The following CYB5R1 variants were observed in gnomAD, a reference collection of about 807,000 sequenced individuals.
CYB5R1 encodes the protein NADH-cytochrome b5 reductase 1.
CYB5R1 carries 32 observed loss-of-function variants against 37.4 expected under a neutral mutation model. The observed-to-expected ratio is 0.86, with a 90% confidence interval of 0.65 to 1.15. CYB5R1 has a LOEUF of 1.15. CYB5R1 is among the 50% of genes most tolerant of loss of function. CYB5R1 has a pLI of 0.00. For missense variants in CYB5R1, 345 were observed against 382.5 expected (o/e 0.90, Z 0.82); for synonymous variants, 159 against 155.2 (o/e 1.02, Z -0.18).
At position 202,966,906 on chromosome 1, in the gene CYB5R1, T is replaced by C; in HGVS notation, c.16-8A>G. The C allele has an allele frequency of 1.3e-6, 2 of 1,599,818 alleles. No homozygotes were observed. Among genetic ancestry groups the C allele is most frequent in the Non-Finnish European group, 1.7e-6 (2 of 1,173,512 alleles). On this transcript the variant is annotated splice_polypyrimidine_tract_variant and splice_region_variant and intron_variant, in intron 1 of 8. Transcript: ENST00000367249. ...GGCCAGCAGGACGGGGCTCTGTGGGTAGAGGAGGCAGCGTGACCGCCAGGC... is the reference window on the plus strand; with the variant it reads ...GGCCAGCAGGACGGGGCTCTGTGGGCAGAGGAGGCAGCGTGACCGCCAGGC...
chr1:202,965,633 C>CA, intron 4 of CYB5R1, 133 bp from the exon 5 acceptor site: 4 of 805,632 alleles, frequency 5.0e-6, no homozygotes, highest in Non-Finnish European at 7.1e-6. Context: ...TACTTTCTTT[C>CA]TTTCTTTTTT....
At position 202,962,499 on chromosome 1, in the gene CYB5R1, G is replaced by A. The variant is rs532096019; in HGVS notation, c.*28C>T. 2.1e-5 allele frequency: 33 copies of A among 1,579,702 alleles called. 1 individual carries two copies. The highest frequency in any genetic ancestry group is 1.6e-4 in the Admixed American group (9 of 54,950). ...AGTACTGATGGGGAACAACTGCAGCGAACAGCACCAGGGAAGCTGGAGGAT... is the reference window on the plus strand; with the variant it reads ...AGTACTGATGGGGAACAACTGCAGCAAACAGCACCAGGGAAGCTGGAGGAT... On this transcript the variant is annotated 3_prime_UTR_variant, in exon 9 of 9. Transcript: ENST00000367249.
intron 4 of CYB5R1, 79 bp downstream of exon 4, chr1:202,965,808 G>A: frequency 1.9e-6 from 2 of 1,064,136 alleles, no homozygotes; most frequent in Non-Finnish European, 2.9e-6. Context: ...ATTTCCTGCT[G>A]TCAGGCAAAT....
chr1:202,964,125 A>C (rs952310969), intron 6 of CYB5R1: 1 of 189,202 alleles, frequency 5.3e-6, no homozygotes, highest in Non-Finnish European at 1.1e-5. Context: ...GCTCCAGGCC[A>C]TTACCAGTGA....
intron 7 of CYB5R1, 102 bp from the exon 8 acceptor site, chr1:202,963,267 G>A: frequency 1.3e-6 from 1 of 792,964 alleles, no homozygotes; most frequent in Non-Finnish European, 2.0e-6. Context: ...AATGTTAAGG[G>A]AAAGCAAAAG....
intron 5 of CYB5R1, 31 bp downstream of exon 5, chr1:202,965,340 A>G: frequency 6.5e-7 from 1 of 1,542,594 alleles, no homozygotes; most frequent in South Asian, 1.3e-5. Context: ...ATAAAGTGGG[A>G]GACAGGCTCA....
chr1:202,966,681 G>A (rs1006352097), intron 2 of CYB5R1, 68 bp downstream of exon 2: 1 of 1,612,716 alleles, frequency 6.2e-7, no homozygotes, highest in South Asian at 1.1e-5. Flanking sequence ...CACCGTGGGT[G>A]CTGTACCCTC....
At chr1:202,966,399 G>A (rs1457533197) in intron 3 of CYB5R1, 129 bp downstream of exon 3, 2 of 1,087,916 alleles carry the variant, frequency 1.8e-6, no homozygotes, top group African/African-American at 3.1e-5. Flanking sequence ...GGAGGATGCA[G>A]AGCCAAGTGG....
chr1:202,963,120 C>A lies in CYB5R1; in HGVS notation c.691G>T (p.Ala231Ser). ...ILREDLEELQ[A>S]RYPNRFKLWF... The stretch of plus-strand genomic sequence containing the variant: ...AGCTTAAAGCGATTGGGATAGCGGG[C>A]CTGCAGTTCCTCTAAGTCCTCCCGC... The change falls in exon 8 of 9, where the codon GCC (alanine) becomes TCC (serine). Residue 231 changes from alanine to serine, a missense_variant. Physicochemically the swap from Ala to Ser is moderately conservative, Grantham distance 99 (BLOSUM62 1). Transcript: ENST00000367249. 1 of 1,614,168 alleles carries A rather than the reference C, an allele frequency of 6.2e-7. No individual in the cohort carries two copies. The highest frequency in any genetic ancestry group is 1.6e-4 in the Middle Eastern group (1 of 6,062).
rs537378591 is a variant in CYB5R1 at position 202,962,737 on chromosome 1, A to T, written c.746-38T>A. The T allele has an allele frequency of 2.5e-6, 4 of 1,609,640 alleles. No individual in the cohort carries two copies. In the Admixed American group the frequency reaches 5.1e-5, roughly 20 times the overall value. On this transcript the variant is annotated intron_variant, in intron 8 of 8. Transcript: ENST00000367249. ...GAGAAGAAAGTACTTAATACTCCAG[A>T]TACATGCTGGCAAGGGGGTGTGGTG... is the stretch of plus-strand genomic sequence containing the variant.
intron 6 of CYB5R1, 44 bp from the exon 7 acceptor site, chr1:202,963,771 C>T: frequency 7.2e-7 from 1 of 1,398,446 alleles, no homozygotes; most frequent in Non-Finnish European, 9.8e-7. Flanking sequence ...GCCACACTCT[C>T]TGCCCTGTCC....
In CYB5R1 at chr1:202,966,602, T is replaced by G. The variant is rs112267015; in HGVS notation, c.166-2A>C. The G allele has an allele frequency of 6.2e-7, 1 of 1,614,166 alleles. No individual in the cohort carries two copies. Among genetic ancestry groups the G allele is most frequent in the Non-Finnish European group, 8.5e-7 (1 of 1,180,020 alleles). ...CCTCTTGGTGTTGTGGCTCACAGTC[T>G]GGAGGGTGGAGGACACAAGTGTTTC... On this transcript the variant is annotated splice_acceptor_variant, in intron 2 of 8. Coordinates refer to ENST00000367249, the MANE Select transcript of CYB5R1 (RefSeq NM_016243.3). LOFTEE classifies it high-confidence loss of function.
chr1:202,965,480 G>A lies in CYB5R1; in HGVS notation c.366C>T (p.His122=), dbSNP rs10920536. ...TCTTCCCTCCCTCAGGAAATTTGGGGTGCACACCCTTCAGGTAGACCTTAC... is the reference window on the plus strand; with the variant it reads ...TCTTCCCTCCCTCAGGAAATTTGGGATGCACACCCTTCAGGTAGACCTTAC... ...LVIKVYLKGV[H]PKFPEGGKMS... is the part of the protein sequence containing the mutation. The change falls in exon 5 of 9, where the codon CAC becomes CAT. Residue 122 remains histidine (H), a synonymous_variant. Coordinates refer to ENST00000367249, the MANE Select transcript of CYB5R1 (RefSeq NM_016243.3). 2.5e-3 allele frequency: 3,922 copies of A among 1,599,666 alleles called. 77 individuals are homozygous for A. In the African/African-American group the frequency reaches 0.048, roughly 19 times the overall value.
Position 202,963,739 on chromosome 1 carries a change from T to C in CYB5R1, c.560-12A>G, listed in dbSNP as rs1571576916. On this transcript the variant is annotated splice_polypyrimidine_tract_variant and intron_variant, in intron 6 of 8. Transcript: ENST00000367249. ...CATTGGGGTGATTCCTGCATGAAGA[T>C]ACCCCACAGTGAAATGTAGTGGCCA... The C allele has an allele frequency of 6.3e-7, 1 of 1,590,772 alleles. No individual in the cohort carries two copies. Among genetic ancestry groups the C allele is most frequent in the African/African-American group, 1.3e-5 (1 of 74,280 alleles).
chr1:202,964,788 G>T (rs1571577329), intron 5 of CYB5R1, 93 bp from the exon 6 acceptor site: 1 of 883,858 alleles, frequency 1.1e-6, no homozygotes. Flanking sequence ...CCTGAGGCCA[G>T]TTGAGCAGCT....
chr1:202,965,041 T>C, intron 5 of CYB5R1: 1 of 420,802 alleles, frequency 2.4e-6, no homozygotes, highest in Non-Finnish European at 4.3e-6. Flanking sequence ...ACCCAGCTGT[T>C]CCCATGGGAA....
intron 5 of CYB5R1, chr1:202,964,970 G>A (rs1424654338): frequency 4.0e-6 from 2 of 501,030 alleles, no homozygotes; most frequent in Non-Finnish European, 7.2e-6. Flanking sequence ...GACAGGCACA[G>A]AGCCAGGTGT....
At position 202,962,467 on chromosome 1, in the gene CYB5R1, G is replaced by T; in HGVS notation, c.*60C>A. The T allele has an allele frequency of 6.5e-7, 1 of 1,530,422 alleles. No homozygotes were observed. The highest frequency in any genetic ancestry group is 1.4e-5 in the African/African-American group (1 of 72,086). 94.8% of individuals were successfully genotyped at this position (1,530,422 alleles called of 1,614,324 possible). A position where few individuals can be genotyped will look rare whatever the true frequency, so the allele number is the denominator to read the frequency against. The stretch of plus-strand genomic sequence containing the variant: ...TGAGGAAAGGAATCTAAGGCTTATA[G>T]TGCTTGAGTACTGATGGGGAACAAC... On this transcript the variant is annotated 3_prime_UTR_variant, in exon 9 of 9. Transcript: ENST00000367249.
At position 202,963,692 on chromosome 1, in the gene CYB5R1, G is replaced by A. The variant is rs747709895; in HGVS notation, c.595C>T (p.Leu199=). The A allele has an allele frequency of 2.5e-6, 4 of 1,610,548 alleles. No homozygotes were observed. In the Admixed American group the frequency reaches 6.7e-5, roughly 27 times the overall value. ...TPMLQLIRAI[L]KVPEDPTQCF... ...TGGGTTGGATCTTCAGGGACTTTCA[G>A]GATGGCCCGGATCAGCTGTAGCATT... Residue 199 remains leucine (L), a synonymous_variant, in exon 7 of 9, where the codon CTG becomes TTG. Coordinates refer to ENST00000367249, the MANE Select transcript of CYB5R1 (RefSeq NM_016243.3).
Sources: allele counts gnomAD v4.1 joint callset, GRCh38; gene constraint gnomAD v4.1.1; transcripts MANE v1.5; gene names NCBI Gene and HGNC (gene_info 2026-07-23, HGNC 2026-07-21).